ATXN2: variants seen among roughly 807,000 people sequenced by gnomAD.
The protein encoded by ATXN2 is ataxin-2.
ATXN2 carries 37 observed loss-of-function variants against 138.6 expected under a neutral mutation model. The observed-to-expected ratio is 0.27, with a 90% CI of 0.21 to 0.35. The LOEUF is 0.35. Ranked by LOEUF, ATXN2 falls within the 10% of genes least tolerant of loss-of-function variation. The pLI is 1.00. For missense variants in ATXN2, 1,216 were observed against 1,480.3 expected (o/e 0.82, Z 2.93); for synonymous variants, 549 against 543.7 (o/e 1.01, Z -0.13).
At chr12:111,573,421 C>T (rs1779014950) in intron 1 of ATXN2, among the ~76,000 whole-genome samples, 1 of 152,136 alleles carries the variant, frequency 6.6e-6, no homozygotes, top group Admixed American at 6.6e-5. Flanking sequence ...GTCTCAAATT[C>T]CTGACCTCAG....
chr12:111,496,573 G>A (rs960429923), intron 14 of ATXN2, among the ~76,000 whole-genome samples: 1 of 151,808 alleles, frequency 6.6e-6, no homozygotes, highest in African/African-American at 2.4e-5. Flanking sequence ...AATAACACTA[G>A]ATAACAAGAG....
At chr12:111,577,559 C>T (rs1883743847) in intron 1 of ATXN2, among the ~76,000 whole-genome samples, 1 of 152,096 alleles carries the variant, frequency 6.6e-6, no homozygotes, top group Admixed American at 6.6e-5. Flanking sequence ...GCCACCGGGC[C>T]CGGCCCGCAT....
At chr12:111,472,475 G>T (rs1463616005) in intron 18 of ATXN2, among the ~76,000 whole-genome samples, 1 of 152,132 alleles carries the variant, frequency 6.6e-6, no homozygotes, top group Non-Finnish European at 1.5e-5. Flanking sequence ...TGCAATGGAA[G>T]AGAAGTCCCT....
At chr12:111,501,413 A>G (rs1007159016) in intron 14 of ATXN2, among the ~76,000 whole-genome samples, 1 of 152,246 alleles carries the variant, frequency 6.6e-6, no homozygotes, top group African/African-American at 2.4e-5. Flanking sequence ...CCTAAGCCAC[A>G]GCCCCAGGTG....
At position 111,455,474 on chromosome 12, in the gene ATXN2, A is replaced by G. The variant is rs1233928494; in HGVS notation, c.3270+555T>C. The G allele has an allele frequency of 1.4e-4, 42 of 306,946 alleles. No homozygotes were observed. In the Admixed American group the frequency reaches 1.9e-3, roughly 14 times the overall value. The allele number at this position is 306,946 out of a possible 1,614,324, so 19.0% of individuals were successfully genotyped here. ...GACCACCTGGGTGCTTCCAGCTTCT[A>G]GTTACACTGCACCAATGTCCAAGGC... On this transcript the variant is annotated intron_variant, in intron 23 of 24. Coordinates refer to ENST00000673436, the MANE Select transcript of ATXN2 (RefSeq NM_001372574.1).
intron 14 of ATXN2, among the ~76,000 whole-genome samples, chr12:111,492,291 T>G (rs1390053411): frequency 6.6e-6 from 1 of 152,298 alleles, no homozygotes; most frequent in Non-Finnish European, 1.5e-5. Context: ...GTCACAACAT[T>G]ACTAGTCTTG....
chr12:111,537,100 A>G (rs1001450815), intron 5 of ATXN2, among the ~76,000 whole-genome samples: 5 of 152,084 alleles, frequency 3.3e-5, no homozygotes, highest in African/African-American at 1.2e-4. Flanking sequence ...AAAAACTTTA[A>G]AAGTCACTGT....
Position 111,598,113 on chromosome 12 carries a change from G to T in ATXN2, c.251+671C>A. 9.0e-7 allele frequency: 1 copy of T among 1,111,854 alleles called. No homozygotes were observed. Among genetic ancestry groups the T allele is most frequent in the African/African-American group, 1.6e-5 (1 of 61,234 alleles). 68.9% of individuals were successfully genotyped at this position (1,111,854 alleles called of 1,614,324 possible). A position where few individuals can be genotyped will look rare whatever the true frequency, so the allele number is the denominator to read the frequency against. On this transcript the variant is annotated intron_variant, in intron 1 of 24. Transcript: ENST00000673436. This position sits in a 1 kb window ranked among gnomAD's most constrained non-coding sequence, Gnocchi z 4.5. Reference sequence around the variant, plus strand: ...CATGGAGCCCCACGATTTCAGGGGAGTTCGGGAGCCCCCGCCGCCGCCTCG... The same window carrying T: ...CATGGAGCCCCACGATTTCAGGGGATTTCGGGAGCCCCCGCCGCCGCCTCG...
chr12:111,550,000 T>G (rs1452204058), intron 5 of ATXN2, among the ~76,000 whole-genome samples: 1 of 146,036 alleles, frequency 6.8e-6, no homozygotes, highest in Non-Finnish European at 1.5e-5. Context: ...AGGCAGAGGT[T>G]GCGGTGAGCC....
intron 1 of ATXN2, among the ~76,000 whole-genome samples, chr12:111,579,432 T>C (rs984219358): frequency 6.6e-6 from 1 of 152,030 alleles, no homozygotes; most frequent in African/African-American, 2.4e-5. Flanking sequence ...CTGGCTAATT[T>C]TGTATTTTTA....
intron 1 of ATXN2, chr12:111,581,502 T>C (rs1592925841): frequency 2.9e-6 from 3 of 1,028,170 alleles, no homozygotes; most frequent in East Asian, 2.4e-5. Flanking sequence ...GCTCCCCCAA[T>C]GTCCACCGTG....
intron 21 of ATXN2, among the ~76,000 whole-genome samples, chr12:111,460,808 T>C (rs1015826241): frequency 6.6e-6 from 1 of 152,206 alleles, no homozygotes; most frequent in Non-Finnish European, 1.5e-5. Context: ...ATTTTTACTA[T>C]GCATTTTTAA....
rs775985135 is a variant in ATXN2, at chr12:111,488,483, C to T, written c.2233G>A (p.Ala745Thr). 7.5e-6 allele frequency: 12 copies of T among 1,606,528 alleles called. No individual in the cohort carries two copies. In the African/African-American group the frequency reaches 9.4e-5, roughly 13 times the overall value. ...EKDDKEEKKD[A>T]AEQVRKSTLN... ...AGTTCCAGGTTTACTCACTCAGCTG[C>T]GTCTTTCTTCTCTTCCTTATCGTCT... Residue 745 changes from alanine to threonine, a missense_variant, in exon 15 of 25, where the codon GCA becomes ACA. Ala to Thr is a moderately conservative substitution (Grantham distance 58). This residue lies in a region of ATXN2 where 490 missense variants were observed against 653.5 expected (regional missense o/e 0.75). Transcript: ENST00000673436.
chr12:111,556,873 A>G (rs1265604385), intron 1 of ATXN2, among the ~76,000 whole-genome samples: 2 of 151,846 alleles, frequency 1.3e-5, no homozygotes, highest in South Asian at 2.1e-4. Context: ...AAAAAAAAAA[A>G]CTGAAAATAA....
In ATXN2 at chr12:111,452,696, T is replaced by C; in HGVS notation, c.*116A>G. The C allele has an allele frequency of 8.4e-7, 1 of 1,191,738 alleles. No individual in the cohort carries two copies. Among genetic ancestry groups the C allele is most frequent in the Non-Finnish European group, 1.2e-6 (1 of 804,358 alleles). 73.8% of individuals were successfully genotyped at this position (1,191,738 alleles called of 1,614,324 possible). A position where few individuals can be genotyped will look rare whatever the true frequency, so the allele number is the denominator to read the frequency against. On this transcript the variant is annotated 3_prime_UTR_variant, in exon 25 of 25. Transcript: ENST00000673436. Reference sequence around the variant, plus strand: ...CATTCCTATTGGATGTTACAAGAAATCAACATATATATTTTAAAAACAAAA... The same window carrying C: ...CATTCCTATTGGATGTTACAAGAAACCAACATATATATTTTAAAAACAAAA...
At chr12:111,483,240 A>ACACACAC (rs1270352401) in intron 18 of ATXN2, among the ~76,000 whole-genome samples, 2 of 143,030 alleles carry the variant, frequency 1.4e-5, no homozygotes, top group South Asian at 4.7e-4. Context: ...CACACACACA[A>ACACACAC]AACACCCAAA....
At chr12:111,580,071 C>T (rs1458964342) in intron 1 of ATXN2, among the ~76,000 whole-genome samples, 1 of 152,118 alleles carries the variant, frequency 6.6e-6, no homozygotes, top group Non-Finnish European at 1.5e-5. Flanking sequence ...ACCTCAGCTC[C>T]CCAAGTAGCT....
rs772256024 is a variant in ATXN2 at position 111,552,290 on chromosome 12, A to G, written c.561T>C (p.Tyr187=). 7 of 1,591,324 alleles carry G rather than the reference A, an allele frequency of 4.4e-6. No individual in the cohort carries two copies. Among genetic ancestry groups the G allele is most frequent in the Admixed American group, 3.7e-5 (2 of 53,358 alleles). The change falls in exon 5 of 25, where the codon TAT becomes TAC. Residue 187 remains tyrosine (Y), a synonymous_variant. Coordinates refer to ENST00000673436, the MANE Select transcript of ATXN2 (RefSeq NM_001372574.1). This position sits in a 1 kb window ranked among gnomAD's most constrained non-coding sequence, Gnocchi z 4.1. ...GAAATCAAAACCCACCTCTTTTTGC[A>G]TAACTGGAGTCCATATCTTTAAACT... ...VVQFKDMDSS[Y]AKRDAFTDSA...
intron 6 of ATXN2, among the ~76,000 whole-genome samples, chr12:111,523,478 C>A (rs1880300480): frequency 1.3e-5 from 2 of 152,088 alleles, no homozygotes; most frequent in African/African-American, 4.8e-5. Flanking sequence ...AATCTCAGCA[C>A]TTTGGGAGGC....
Sources: allele counts gnomAD v4.1 joint callset (sites outside exome capture counted in the v4.1 genomes callset), GRCh38; gene constraint gnomAD v4.1.1; regional missense constraint gnomAD v4.1.1; non-coding constraint Gnocchi (gnomAD v3.1); transcripts MANE v1.5; gene names NCBI Gene and HGNC (gene_info 2026-07-23, HGNC 2026-07-21).